DGAT2: variants seen among roughly 807,000 people sequenced by gnomAD.
DGAT2 encodes diacylglycerol O-acyltransferase 2.
In DGAT2, 33 loss-of-function variants were observed where a neutral mutation model predicts 48.4. The ratio of observed to expected loss-of-function variants is 0.68; its 90% CI spans 0.52 to 0.91. The LOEUF (loss-of-function observed/expected upper bound fraction) is 0.91. DGAT2 is among the 40% of genes least tolerant of loss of function. DGAT2 has a pLI of 0.00. For synonymous variants in DGAT2, 191 were observed against 194.1 expected, an observed-to-expected ratio of 0.98 and a Z score of 0.13; for missense variants, 446 against 493.7, an observed-to-expected ratio of 0.90 and a Z score of 0.92.
intron 1 of DGAT2, among the ~76,000 whole-genome samples, chr11:75,770,434 G>C (rs1944746377): frequency 6.6e-6 from 1 of 152,208 alleles, no homozygotes; most frequent in Admixed American, 6.5e-5. Flanking sequence ...CATGTATCCA[G>C]CCAGTAGCCT....
intron 1 of DGAT2, among the ~76,000 whole-genome samples, chr11:75,777,685 G>T (rs1408484460): frequency 6.6e-6 from 1 of 152,148 alleles, no homozygotes; most frequent in Non-Finnish European, 1.5e-5. Context: ...CTCCAGGTTG[G>T]CATGTCCCCT....
chr11:75,775,007 T>G (rs1354207742), intron 1 of DGAT2, among the ~76,000 whole-genome samples: 1 of 152,116 alleles, frequency 6.6e-6, no homozygotes, highest in Admixed American at 6.5e-5. Flanking sequence ...TGGCCTTACC[T>G]CTTGGAACTT....
rs928776277 is a variant in DGAT2, at chr11:75,801,461, A to C, written c.*953A>C. On this transcript the variant is annotated 3_prime_UTR_variant, in exon 8 of 8. Coordinates refer to ENST00000228027, the MANE Select transcript of DGAT2 (RefSeq NM_032564.5). ...CCAACCCTCTCCTGTGTGTTCTGTT[A>C]TCTCTTGATGAGATCATTGCACCAT... 1.4e-4 allele frequency: 22 copies of C among 152,632 alleles called. No individual in the cohort carries two copies. Among genetic ancestry groups the C allele is most frequent in the African/African-American group, 5.1e-4 (21 of 41,434 alleles). The allele number at this position is 152,632 out of a possible 1,614,324, so 9.5% of individuals were successfully genotyped here.
chr11:75,772,651 C>T (rs975244918), intron 1 of DGAT2, among the ~76,000 whole-genome samples: 7 of 152,140 alleles, frequency 4.6e-5, no homozygotes, highest in Non-Finnish European at 8.8e-5. Context: ...AATTTTCATG[C>T]GTGCTTATCT....
intron 1 of DGAT2, among the ~76,000 whole-genome samples, chr11:75,781,847 C>T (rs1423818659): frequency 6.6e-6 from 1 of 152,162 alleles, no homozygotes; most frequent in African/African-American, 2.4e-5. Context: ...AACAAGATGG[C>T]GTGCGTTTCC....
chr11:75,784,518 T>C, intron 1 of DGAT2, 100 bp from the exon 2 acceptor site: 2 of 1,500,226 alleles, frequency 1.3e-6, no homozygotes, highest in Middle Eastern at 1.8e-4. Flanking sequence ...GATGCTCTTC[T>C]CATATCTAGA....
At position 75,797,138 on chromosome 11, in the gene DGAT2, GCGTCCTTCC is replaced by G. The variant is rs1482055380; in HGVS notation, c.635-18_635-10del. 2 of 1,463,088 alleles carry G rather than the reference GCGTCCTTCC, an allele frequency of 1.4e-6. No homozygotes were observed. Among genetic ancestry groups the G allele is most frequent in the Non-Finnish European group, 1.8e-6 (2 of 1,100,266 alleles). The allele number at this position is 1,463,088 out of a possible 1,614,324, so 90.6% of individuals were successfully genotyped here. On this transcript the variant is annotated splice_polypyrimidine_tract_variant and intron_variant, in intron 5 of 7. Coordinates refer to ENST00000228027, the MANE Select transcript of DGAT2 (RefSeq NM_032564.5). ...GGATCCATGGGCAACCCTGACTGTT[GCGTCCTTCC>G]CTCCCCTCAGGTATCTGCCCTGTCA...
At chr11:75,790,621 A>C (rs1555061713) in intron 3 of DGAT2, 40 bp from the exon 4 acceptor site, 1 of 1,597,872 alleles carries the variant, frequency 6.3e-7, no homozygotes, top group South Asian at 1.1e-5. Flanking sequence ...GCCCAAATGT[A>C]CCCCCACCCC....
At chr11:75,794,765 G>C (rs988518251) in intron 4 of DGAT2, 48 of 152,206 alleles carry the variant, frequency 3.2e-4, no homozygotes, top group African/African-American at 1.1e-3. Flanking sequence ...CAATTTTGTG[G>C]GTTTTGAAAA....
chr11:75,800,216 A>T (rs1945095745), intron 7 of DGAT2, 138 bp from the exon 8 acceptor site: 1 of 1,124,944 alleles, frequency 8.9e-7, no homozygotes, highest in Non-Finnish European at 1.2e-6. Flanking sequence ...GGACAACCAG[A>T]GATGCAGCAC....
rs1220335553 is a variant in DGAT2, at chr11:75,790,642, G to A, written c.359-19G>A. The A allele has an allele frequency of 6.2e-7, 1 of 1,613,318 alleles. No homozygotes were observed. The highest frequency in any genetic ancestry group is 1.3e-5 in the African/African-American group (1 of 74,860). On this transcript the variant is annotated intron_variant, in intron 3 of 7. Coordinates refer to ENST00000228027, the MANE Select transcript of DGAT2 (RefSeq NM_032564.5). Reference sequence around the variant, plus strand: ...ATGTACCCCCACCCCCACCAACTCTGTATTTTATTCCCTGGAAGGTGGCAG... The same window carrying A: ...ATGTACCCCCACCCCCACCAACTCTATATTTTATTCCCTGGAAGGTGGCAG...
chr11:75,770,343 C>A (rs760005658), intron 1 of DGAT2, among the ~76,000 whole-genome samples: 1 of 152,070 alleles, frequency 6.6e-6, no homozygotes, highest in Non-Finnish European at 1.5e-5. Context: ...ATCTGCCCCT[C>A]TTGGTGTGGG....
chr11:75,800,399 A>G lies in DGAT2; in HGVS notation c.1058A>G (p.Gln353Arg), dbSNP rs770321218. Reference protein sequence around the residue: ...TIPKLEHPTQQDIDLYHTMYM... With the variant: ...TIPKLEHPTQRDIDLYHTMYM... Reference sequence around the variant, plus strand: ...CCCAAGCTGGAGCACCCAACCCAGCAAGACATCGACCTGTACCACACCATG... The same window carrying G: ...CCCAAGCTGGAGCACCCAACCCAGCGAGACATCGACCTGTACCACACCATG... The change falls in exon 8 of 8, where the codon CAA becomes CGA. Residue 353 changes from glutamine to arginine, a missense_variant. Coordinates refer to ENST00000228027, the MANE Select transcript of DGAT2 (RefSeq NM_032564.5). The G allele has an allele frequency of 3.1e-6, 5 of 1,614,074 alleles. No individual in the cohort carries two copies.
intron 1 of DGAT2, among the ~76,000 whole-genome samples, chr11:75,771,065 G>A (rs974559697): frequency 1.6e-4 from 24 of 152,226 alleles, no homozygotes; most frequent in Admixed American, 9.2e-4. Context: ...TGAACAGCCC[G>A]TCAGTGACAG....
At chr11:75,796,296 C>T in intron 4 of DGAT2, 32 bp from the exon 5 acceptor site, 3 of 1,597,110 alleles carry the variant, frequency 1.9e-6, no homozygotes, top group Non-Finnish European at 2.6e-6. Flanking sequence ...CTCTCCCAGC[C>T]AGTTTCCTCT....
chr11:75,771,751 A>C lies in DGAT2; in HGVS notation c.121+2639A>C, dbSNP rs1054358401. 2.6e-5 allele frequency among the ~76,000 whole-genome samples: 4 copies of C among 152,050 alleles called. No individual in the cohort carries two copies. The East Asian group carries it at 5.8e-4, about 22-fold the overall frequency. On this transcript the variant is annotated intron_variant, in intron 1 of 7. Transcript: ENST00000228027. ...CCCCCCTCACCTACATCACTTCCCCAGCTGAATAGAGGCCACTTTGGGGCT... is the reference window on the plus strand; with the variant it reads ...CCCCCCTCACCTACATCACTTCCCCCGCTGAATAGAGGCCACTTTGGGGCT...
At position 75,797,319 on chromosome 11, in the gene DGAT2, G is replaced by T. The variant is rs773197936; in HGVS notation, c.796G>T (p.Ala266Ser). The T allele has an allele frequency of 6.6e-7, 1 of 1,511,362 alleles. No individual in the cohort carries two copies. Among genetic ancestry groups the T allele is most frequent in the South Asian group, 1.3e-5 (1 of 75,704 alleles). 93.6% of individuals were successfully genotyped at this position (1,511,362 alleles called of 1,614,324 possible). Residue 266 changes from alanine (A) to serine (S), a missense_variant, in exon 6 of 8, where the codon GCC (alanine) becomes TCC (serine). Physicochemically the swap from Ala to Ser is moderately conservative, Grantham distance 99. Coordinates refer to ENST00000228027, the MANE Select transcript of DGAT2 (RefSeq NM_032564.5). ...GAACCGCAAGGGCTTTGTGAAACTG[G>T]CCCTGCGTCATGGGTGAGTGCCTCC... Reference protein sequence around the residue: ...LRNRKGFVKLALRHGADLVPI... With the variant: ...LRNRKGFVKLSLRHGADLVPI...
chr11:75,787,365 A>G (rs971512415), intron 2 of DGAT2, among the ~76,000 whole-genome samples: 2 of 152,256 alleles, frequency 1.3e-5, no homozygotes, highest in African/African-American at 4.8e-5. Flanking sequence ...CCAAGGCTCC[A>G]GGTCTGTTTG....
intron 1 of DGAT2, among the ~76,000 whole-genome samples, chr11:75,775,077 C>T (rs1459649234): frequency 6.6e-6 from 1 of 152,188 alleles, no homozygotes; most frequent in African/African-American, 2.4e-5. Flanking sequence ...TGGAGTAGCC[C>T]GAGGATGGGC....
Sources: allele counts gnomAD v4.1 joint callset (sites outside exome capture counted in the v4.1 genomes callset), GRCh38; gene constraint gnomAD v4.1.1; transcripts MANE v1.5; gene names NCBI Gene and HGNC (gene_info 2026-07-23, HGNC 2026-07-21).